The following GRIK2 variants were observed in gnomAD, a reference collection of about 807,000 sequenced individuals.
GRIK2 encodes glutamate ionotropic receptor kainate type subunit 2, also known as glutamate receptor ionotropic, kainate 2.
In GRIK2, 32 loss-of-function variants were observed where a neutral mutation model predicts 100.3. The ratio of observed to expected loss-of-function variants is 0.32; its 90% CI spans 0.24 to 0.43. GRIK2 has a LOEUF of 0.43. Among genes scored for constraint, GRIK2 ranks in the 20% least tolerant of loss-of-function variants. The probability of loss-of-function intolerance (pLI) is 1.00; values close to 1 mark genes in which losing one functional copy is unlikely to be tolerated. For synonymous variants in GRIK2, 417 were observed against 389.4 expected, an observed-to-expected ratio of 1.07 and a Z score of -0.83; for missense variants, 843 against 1,114.9, an observed-to-expected ratio of 0.76 and a Z score of 3.47.
intron 14 of GRIK2, among the ~76,000 whole-genome samples, chr6:102,016,957 T>C (rs777378825): frequency 6.6e-6 from 1 of 151,992 alleles, no homozygotes; most frequent in Non-Finnish European, 1.5e-5. Flanking sequence ...CCAGAAGAGA[T>C]TGGGGCCTCA....
At chr6:101,544,080 A>G (rs191645074) in intron 2 of GRIK2, among the ~76,000 whole-genome samples, 54 of 152,306 alleles carry the variant, frequency 3.5e-4, no homozygotes, top group Admixed American at 3.1e-3. Flanking sequence ...AAGAGTGTCA[A>G]AACAATACTA....
At chr6:101,693,733 A>T (rs1772273284) in intron 7 of GRIK2, among the ~76,000 whole-genome samples, 1 of 151,942 alleles carries the variant, frequency 6.6e-6, no homozygotes, top group Admixed American at 6.6e-5. Context: ...AAAAATAAAA[A>T]ATTATATATA....
chr6:101,431,674 T>C (rs1236848900), intron 2 of GRIK2: 2 of 152,234 alleles, frequency 1.3e-5, no homozygotes, highest in Non-Finnish European at 2.9e-5. Context: ...TGGTATTACA[T>C]ATTACTTGTT....
At chr6:101,705,440 G>T (rs1391841702) in intron 7 of GRIK2, among the ~76,000 whole-genome samples, 1 of 151,634 alleles carries the variant, frequency 6.6e-6, no homozygotes, top group South Asian at 2.1e-4. Flanking sequence ...ATCATTAGAC[G>T]AAATGCATAT....
At chr6:101,821,300 T>C (rs1781934375) in intron 10 of GRIK2, among the ~76,000 whole-genome samples, 1 of 152,154 alleles carries the variant, frequency 6.6e-6, no homozygotes, top group Admixed American at 6.5e-5. Context: ...TATGAAGAAG[T>C]GGTATCTAAT....
chr6:101,800,649 AAT>A (rs1780612733), intron 8 of GRIK2, among the ~76,000 whole-genome samples: 1 of 152,074 alleles, frequency 6.6e-6, no homozygotes, highest in South Asian at 2.1e-4. Flanking sequence ...AATATCCATG[AAT>A]TTTCTTTGTC....
intron 14 of GRIK2, among the ~76,000 whole-genome samples, chr6:102,021,197 T>A (rs921909988): frequency 5.3e-5 from 8 of 151,806 alleles, no homozygotes; most frequent in Non-Finnish European, 1.0e-4. Flanking sequence ...AATACTATTG[T>A]ATTACAGTCT....
chr6:101,594,734 T>C (rs1302988921), intron 2 of GRIK2, among the ~76,000 whole-genome samples: 1 of 151,792 alleles, frequency 6.6e-6, no homozygotes, highest in Admixed American at 6.6e-5. Context: ...AAGGCATTTA[T>C]AGTGTAAGTG....
chr6:101,431,017 A>G, intron 2 of GRIK2: 1 of 255,958 alleles, frequency 3.9e-6, no homozygotes, highest in Non-Finnish European at 8.4e-6. Context: ...TACTAGTAGT[A>G]CTACCGGAGG....
intron 14 of GRIK2, among the ~76,000 whole-genome samples, chr6:102,031,552 A>T (rs1344820788): frequency 1.3e-5 from 2 of 151,190 alleles, no homozygotes; most frequent in African/African-American, 4.8e-5. Context: ...GGTTTGAGGT[A>T]CAGTTGATCA....
At chr6:101,688,832 C>T (rs1238651651) in intron 7 of GRIK2, among the ~76,000 whole-genome samples, 6 of 151,744 alleles carry the variant, frequency 4.0e-5, no homozygotes, top group Non-Finnish European at 8.8e-5. Context: ...AAAATAGATG[C>T]AGATTGATTT....
At chr6:102,049,725 T>G (rs1411482293) in intron 15 of GRIK2, among the ~76,000 whole-genome samples, 1 of 152,124 alleles carries the variant, frequency 6.6e-6, no homozygotes, top group Non-Finnish European at 1.5e-5. Flanking sequence ...GTAAAGAGTT[T>G]TAGAAGGAGA....
intron 2 of GRIK2, among the ~76,000 whole-genome samples, chr6:101,480,050 C>A (rs1034327363): frequency 6.6e-6 from 1 of 152,082 alleles, no homozygotes; most frequent in Non-Finnish European, 1.5e-5. Context: ...GCATGGTAGT[C>A]CAATTCCTTC....
chr6:101,872,058 T>A (rs1473145853), intron 11 of GRIK2, among the ~76,000 whole-genome samples: 1 of 151,940 alleles, frequency 6.6e-6, no homozygotes, highest in Non-Finnish European at 1.5e-5. Flanking sequence ...TGTTGTTGAC[T>A]TTTTAACAAT....
intron 7 of GRIK2, among the ~76,000 whole-genome samples, chr6:101,691,309 T>C (rs548265738): frequency 3.9e-4 from 59 of 151,706 alleles, no homozygotes; most frequent in African/African-American, 1.4e-3. Context: ...TTTTCTTTTT[T>C]TTTTTTTTGA....
chr6:101,867,403 C>G (rs1000815343), intron 11 of GRIK2, among the ~76,000 whole-genome samples: 3 of 151,584 alleles, frequency 2.0e-5, no homozygotes, highest in Non-Finnish European at 2.9e-5. Flanking sequence ...TTTTTCTCAA[C>G]GTGAATTTAA....
At chr6:101,969,975 T>G (rs1310079081) in intron 14 of GRIK2, among the ~76,000 whole-genome samples, 3 of 152,016 alleles carry the variant, frequency 2.0e-5, no homozygotes, top group African/African-American at 7.2e-5. Flanking sequence ...TTTCCTATAA[T>G]GTTCTCAACC....
chr6:101,750,954 C>A (rs1283895737), intron 7 of GRIK2, among the ~76,000 whole-genome samples: 3 of 152,154 alleles, frequency 2.0e-5, no homozygotes, highest in African/African-American at 7.2e-5. Context: ...ATTTTAAATT[C>A]TCTCATCATT....
intron 2 of GRIK2, among the ~76,000 whole-genome samples, chr6:101,450,053 A>G (rs888265216): frequency 6.6e-6 from 1 of 151,718 alleles, no homozygotes; most frequent in Non-Finnish European, 1.5e-5. Context: ...TACATTGACT[A>G]CTTGACTCCA....
Sources: gnomAD v4.1 joint callset for allele counts (sites outside exome capture counted in the v4.1 genomes callset) on GRCh38, gnomAD v4.1.1 for gene constraint, MANE v1.5 for transcripts, NCBI Gene and HGNC (gene_info 2026-07-23, HGNC 2026-07-21) for gene names.